GRM7: variants seen among roughly 807,000 people sequenced by gnomAD.
GRM7 encodes glutamate metabotropic receptor 7.
GRM7 carries 35 observed loss-of-function variants against 84.5 expected under a neutral mutation model. That is an observed-to-expected ratio of 0.41 (90% CI 0.32 to 0.55). The LOEUF (loss-of-function observed/expected upper bound fraction) is 0.55, where lower values mean the gene tolerates loss of function less well. GRM7 is among the 20% of genes least tolerant of loss of function. The pLI is 0.19. For synonymous variants in GRM7, 487 were observed against 455.1 expected (o/e 1.07, Z -0.89); for missense variants, 1,003 against 1,194.6 (o/e 0.84, Z 2.36).
intron 7 of GRM7, chr3:7,520,310 G>T (rs1700547617): frequency 6.6e-6 from 1 of 152,110 alleles, no homozygotes; most frequent in African/African-American, 2.4e-5. Context: ...ATAAGAAAAA[G>T]GCAGGCAAGT....
intron 2 of GRM7, among the ~76,000 whole-genome samples, chr3:7,152,760 A>G (rs904423066): frequency 1.3e-5 from 2 of 152,190 alleles, no homozygotes; most frequent in African/African-American, 4.8e-5. Context: ...ATATTCTTAC[A>G]TCTATTTCCA....
chr3:6,866,928 T>C (rs540585815), intron 1 of GRM7, among the ~76,000 whole-genome samples: 1 of 152,292 alleles, frequency 6.6e-6, no homozygotes, highest in East Asian at 1.9e-4. Context: ...CTCCTCTCTC[T>C]GGAATTTTTA....
chr3:7,519,782 G>A (rs1207905249), intron 7 of GRM7: 1 of 152,176 alleles, frequency 6.6e-6, no homozygotes, highest in Non-Finnish European at 1.5e-5. Flanking sequence ...GATTTAGTGG[G>A]GATAACTTGT....
intron 7 of GRM7, among the ~76,000 whole-genome samples, chr3:7,563,450 G>T: frequency 6.6e-6 from 1 of 152,232 alleles, no homozygotes; most frequent in African/African-American, 2.4e-5. Flanking sequence ...ACTTTTCAAA[G>T]TGTAAGTACA....
chr3:6,889,035 C>T (rs1195201228), intron 1 of GRM7, among the ~76,000 whole-genome samples: 1 of 152,046 alleles, frequency 6.6e-6, no homozygotes, highest in Non-Finnish European at 1.5e-5. Flanking sequence ...CTCTGTTTGT[C>T]TGTTATTTGT....
At chr3:7,570,582 A>C (rs1409733159) in intron 7 of GRM7, among the ~76,000 whole-genome samples, 1 of 152,192 alleles carries the variant, frequency 6.6e-6, no homozygotes, top group Admixed American at 6.5e-5. Context: ...AGGCAGCTCC[A>C]CCCCTGTGGC....
At chr3:6,961,488 G>C (rs73126754) in intron 1 of GRM7, among the ~76,000 whole-genome samples, 2 of 152,110 alleles carry the variant, frequency 1.3e-5, no homozygotes, top group Non-Finnish European at 1.5e-5. Context: ...TGCACAAGCA[G>C]TACTGACTGG....
chr3:6,973,773 T>C (rs1487271220), intron 1 of GRM7, among the ~76,000 whole-genome samples: 1 of 152,202 alleles, frequency 6.6e-6, no homozygotes, highest in Non-Finnish European at 1.5e-5. Flanking sequence ...GTTTGAGTGC[T>C]TGAGCTAAGG....
At chr3:7,063,937 T>A (rs1387015306) in intron 1 of GRM7, among the ~76,000 whole-genome samples, 1 of 151,692 alleles carries the variant, frequency 6.6e-6, no homozygotes, top group Non-Finnish European at 1.5e-5. Context: ...CTTAACACAA[T>A]GAAAATTTAA....
At chr3:7,316,742 G>A (rs553730474) in intron 4 of GRM7, among the ~76,000 whole-genome samples, 3 of 150,378 alleles carry the variant, frequency 2.0e-5, no homozygotes, top group Admixed American at 6.6e-5. Flanking sequence ...ATCTATCCAA[G>A]TATCTCAGTA....
intron 1 of GRM7, among the ~76,000 whole-genome samples, chr3:7,091,488 A>G (rs906581704): frequency 6.6e-6 from 1 of 152,108 alleles, no homozygotes; most frequent in Non-Finnish European, 1.5e-5. Context: ...ATGCTAGTCC[A>G]TTTTGAACAT....
chr3:6,907,102 T>C (rs2125012242), intron 1 of GRM7, among the ~76,000 whole-genome samples: 1 of 152,230 alleles, frequency 6.6e-6, no homozygotes, highest in East Asian at 1.9e-4. Flanking sequence ...TACAGTGTCT[T>C]GCCGTGTTGC....
Position 7,687,570 on chromosome 3 carries a change from A to C in GRM7, c.2698+7275A>C, listed in dbSNP as rs2125147833. Among the ~76,000 whole-genome samples, 2 of 152,254 alleles carry C rather than the reference A, an allele frequency of 1.3e-5. 1 individual carries two copies. Among genetic ancestry groups the C allele is most frequent in the Admixed American group, 1.3e-4 (2 of 15,284 alleles). On this transcript the variant is annotated intron_variant, in intron 9 of 9. Transcript: ENST00000357716. ...TCTGAACCTCCTATTGTACTCATAT[A>C]ATAGAGAGACCTGTCTCTAGAGAGA...
intron 8 of GRM7, among the ~76,000 whole-genome samples, chr3:7,609,264 A>G (rs1696735305): frequency 6.6e-6 from 1 of 152,226 alleles, no homozygotes; most frequent in Non-Finnish European, 1.5e-5. Flanking sequence ...GTTCTTAGAA[A>G]TGATGTAGAC....
chr3:7,594,785 C>G (rs1428831797), intron 8 of GRM7, among the ~76,000 whole-genome samples: 1 of 152,108 alleles, frequency 6.6e-6, no homozygotes, highest in Non-Finnish European at 1.5e-5. Flanking sequence ...CTTCTTAAAG[C>G]TCAGGGCCCC....
At chr3:6,874,730 GA>G in intron 1 of GRM7, among the ~76,000 whole-genome samples, 1 of 152,150 alleles carries the variant, frequency 6.6e-6, no homozygotes, top group Admixed American at 6.5e-5. Context: ...CCACTCCTGT[GA>G]GAGTAGAGAA....
chr3:7,259,116 C>A (rs1048737161), intron 2 of GRM7, among the ~76,000 whole-genome samples: 6 of 152,182 alleles, frequency 3.9e-5, no homozygotes, highest in Non-Finnish European at 7.3e-5. Flanking sequence ...CATTTGGAAT[C>A]TCTTTTCTAT....
In GRM7 at chr3:7,740,521, G is replaced by T. The variant is rs1446157385; in HGVS notation, c.*115G>T. 2 of 582,760 alleles carry T rather than the reference G, an allele frequency of 3.4e-6. No homozygotes were observed. The highest frequency in any genetic ancestry group is 3.8e-5 in the Admixed American group (1 of 26,342). 36.1% of individuals were successfully genotyped at this position (582,760 alleles called of 1,614,324 possible). On this transcript the variant is annotated 3_prime_UTR_variant, in exon 10 of 10. Coordinates refer to ENST00000357716, the MANE Select transcript of GRM7 (RefSeq NM_000844.4). ...TCCCATCACCGGAGGAGCTTCCCCG[G>T]CCGGGAGACCAGTGTTAGAGGATCC...
intron 7 of GRM7, among the ~76,000 whole-genome samples, chr3:7,518,933 T>G (rs920740378): frequency 1.3e-5 from 2 of 152,216 alleles, no homozygotes; most frequent in African/African-American, 4.8e-5. Context: ...TGCCATTCAT[T>G]ATTTTCTTTT....
Sources: allele counts gnomAD v4.1 joint callset (sites outside exome capture counted in the v4.1 genomes callset), GRCh38; gene constraint gnomAD v4.1.1; transcripts MANE v1.5; gene names NCBI Gene and HGNC (gene_info 2026-07-23, HGNC 2026-07-21).